Variants in ANXA5 observed in about 807,000 individuals in gnomAD.
ANXA5 encodes the protein CBP-I.
Under a neutral mutation model 48.1 loss-of-function variants are expected in ANXA5, and 40 were observed. The ratio of observed to expected loss-of-function variants is 0.83; its 90% confidence interval spans 0.65 to 1.08. The LOEUF (loss-of-function observed/expected upper bound fraction) is 1.08. Among genes scored for constraint, ANXA5 ranks in the 50% least tolerant of loss-of-function variants. The pLI, the probability that ANXA5 is intolerant of heterozygous loss-of-function variation, is 0.00. For missense variants in ANXA5, 357 were observed against 376.8 expected (o/e 0.95, Z 0.44); for synonymous variants, 113 against 129.1 (o/e 0.88, Z 0.85).
At position 121,678,123 on chromosome 4, in the gene ANXA5, A is replaced by C. The variant is rs1724727675; in HGVS notation, c.475-173T>G. 3 of 627,082 alleles carry C rather than the reference A, an allele frequency of 4.8e-6. No homozygotes were observed. The East Asian group carries it at 8.1e-5, about 17-fold the overall frequency. The allele number at this position is 627,082 out of a possible 1,614,324, so 38.8% of individuals were successfully genotyped here. On this transcript the variant is annotated intron_variant, in intron 7 of 12. Transcript: ENST00000296511. ...TCATCACCCAGCACTGTCCAAAACC[A>C]ATAATGACCCTACTGATTTTAAATT...
At chr4:121,671,335 T>C (rs760526343) in intron 10 of ANXA5, among the ~76,000 whole-genome samples, 32 of 152,226 alleles carry the variant, frequency 2.1e-4, no homozygotes, top group Non-Finnish European at 4.1e-4. Flanking sequence ...TATCTTAGTA[T>C]TTCCATAGGA....
chr4:121,675,217 G>A (rs1724678419), intron 8 of ANXA5, among the ~76,000 whole-genome samples: 1 of 152,142 alleles, frequency 6.6e-6, no homozygotes, highest in Non-Finnish European at 1.5e-5. Context: ...GTTAAAAAGT[G>A]GATTATCTAC....
intron 6 of ANXA5, among the ~76,000 whole-genome samples, chr4:121,679,002 C>CA (rs1208783705): frequency 1.3e-5 from 2 of 152,122 alleles, no homozygotes; most frequent in African/African-American, 4.8e-5. Context: ...GCCCCCCTCC[C>CA]ACCTCTATTT....
At chr4:121,685,357 T>C (rs1207716865) in intron 3 of ANXA5, among the ~76,000 whole-genome samples, 1 of 151,872 alleles carries the variant, frequency 6.6e-6, no homozygotes, top group Non-Finnish European at 1.5e-5. Flanking sequence ...TCCTAGCTGA[T>C]AGGAGGTGGA....
chr4:121,693,221 G>A (rs1040887829), intron 2 of ANXA5, among the ~76,000 whole-genome samples: 9 of 151,390 alleles, frequency 5.9e-5, no homozygotes, highest in South Asian at 2.1e-4. Flanking sequence ...ACAACAAAGC[G>A]AGACTCCATC....
intron 3 of ANXA5, among the ~76,000 whole-genome samples, chr4:121,685,204 A>G (rs1724865095): frequency 6.6e-6 from 1 of 152,072 alleles, no homozygotes; most frequent in African/African-American, 2.4e-5. Flanking sequence ...CCTATTGTGA[A>G]GTAGATGGAA....
chr4:121,694,637 C>A (rs2110493723), intron 2 of ANXA5, among the ~76,000 whole-genome samples: 1 of 152,340 alleles, frequency 6.6e-6, no homozygotes, highest in Non-Finnish European at 1.5e-5. Context: ...CGTGCCTCAG[C>A]CTCCCAAAGT....
intron 8 of ANXA5, among the ~76,000 whole-genome samples, chr4:121,677,083 C>CT (rs1379233870): frequency 6.6e-6 from 1 of 152,184 alleles, no homozygotes; most frequent in Non-Finnish European, 1.5e-5. Context: ...AATAACCGCT[C>CT]TCCTCTTTCC....
At chr4:121,669,424 G>T in intron 12 of ANXA5, 178 bp downstream of exon 12, 1 of 737,152 alleles carries the variant, frequency 1.4e-6, no homozygotes, top group Non-Finnish European at 2.2e-6. Context: ...GCTTTCACTT[G>T]GGAGCCATCA....
At chr4:121,679,035 T>C (rs528299516) in intron 6 of ANXA5, among the ~76,000 whole-genome samples, 5 of 151,998 alleles carry the variant, frequency 3.3e-5, no homozygotes, top group East Asian at 3.9e-4. Context: ...TGTAAGCCCA[T>C]ATAAAAGGGG....
chr4:121,674,338 A>AAAAGGAG (rs1263224674), intron 8 of ANXA5, among the ~76,000 whole-genome samples: 4 of 151,786 alleles, frequency 2.6e-5, no homozygotes, highest in African/African-American at 9.7e-5. Context: ...AAGAAAAGGA[A>AAAAGGAG]AAAGGAGAAA....
In ANXA5 at chr4:121,671,588, C is replaced by T. The variant is rs1462729669; in HGVS notation, c.680G>A (p.Arg227His). Residue 227 changes from arginine to histidine, a missense_variant, in exon 10 of 13, where the codon CGC (arginine) becomes CAC (histidine). Transcript: ENST00000296511. ...TTGCTCTAAATTGCCAGAAGTCTCG[C>T]GGTCAATGGTTTCCTCAATTTGAAA... Reference protein sequence around the residue: ...SGFQIEETIDRETSGNLEQLL... With the variant: ...SGFQIEETIDHETSGNLEQLL... 5.6e-6 allele frequency: 9 copies of T among 1,613,446 alleles called. No individual in the cohort carries two copies. Among genetic ancestry groups the T allele is most frequent in the African/African-American group, 4.0e-5 (3 of 74,896 alleles).
At chr4:121,690,188 C>T (rs1724958539) in intron 2 of ANXA5, among the ~76,000 whole-genome samples, 1 of 152,182 alleles carries the variant, frequency 6.6e-6, no homozygotes, top group Non-Finnish European at 1.5e-5. Flanking sequence ...CATACTGGCT[C>T]AGAAAGGTTT....
intron 12 of ANXA5, among the ~76,000 whole-genome samples, chr4:121,669,060 A>G (rs1724568037): frequency 6.6e-6 from 1 of 152,002 alleles, no homozygotes; most frequent in Non-Finnish European, 1.5e-5. Context: ...ACTGGAAAAA[A>G]AAAAAAAAAG....
At chr4:121,689,230 G>C (rs770682216) in intron 2 of ANXA5, among the ~76,000 whole-genome samples, 18 of 152,172 alleles carry the variant, frequency 1.2e-4, no homozygotes, top group Non-Finnish European at 2.4e-4. Context: ...CAGTATCATT[G>C]TAAAAATGAA....
chr4:121,671,572 A>G lies in ANXA5; in HGVS notation c.696T>C (p.Asn232=). ...EETIDRETSG[N]LEQLLLAVVK... ...CAACAGCAAGGAGTAGTTGCTCTAAATTGCCAGAAGTCTCGCGGTCAATGG... is the reference window on the plus strand; with the variant it reads ...CAACAGCAAGGAGTAGTTGCTCTAAGTTGCCAGAAGTCTCGCGGTCAATGG... The change falls in exon 10 of 13, where the codon AAT becomes AAC. Residue 232 remains asparagine, a synonymous_variant. Coordinates refer to ENST00000296511, the MANE Select transcript of ANXA5 (RefSeq NM_001154.4). The G allele has an allele frequency of 6.2e-7, 1 of 1,613,462 alleles. No individual in the cohort carries two copies. The highest frequency in any genetic ancestry group is 8.5e-7 in the Non-Finnish European group (1 of 1,179,456).
At chr4:121,695,302 TGTGTAA>T (rs1424533245) in intron 2 of ANXA5, among the ~76,000 whole-genome samples, 1 of 152,248 alleles carries the variant, frequency 6.6e-6, no homozygotes, top group Admixed American at 6.5e-5. Context: ...ATGGGATCAC[TGTGTAA>T]GTTTCATAAA....
intron 7 of ANXA5, 156 bp from the exon 8 acceptor site, chr4:121,678,106 C>T (rs865959021): frequency 7.6e-6 from 5 of 654,950 alleles, no homozygotes; most frequent in Middle Eastern, 3.2e-4. Context: ...TATCATCACC[C>T]AGCACTGTCC....
At chr4:121,684,636 G>A (rs1385560071) in intron 4 of ANXA5, 41 bp downstream of exon 4, 1 of 1,520,972 alleles carries the variant, frequency 6.6e-7, no homozygotes, top group Non-Finnish European at 9.1e-7. Flanking sequence ...ATAACTGATA[G>A]CTGTTCTCCC....
Sources: gnomAD v4.1 joint callset for allele counts (sites outside exome capture counted in the v4.1 genomes callset) on GRCh38, gnomAD v4.1.1 for gene constraint, MANE v1.5 for transcripts, NCBI Gene and HGNC (gene_info 2026-07-23, HGNC 2026-07-21) for gene names.